Variants in RGSL1 observed in about 807,000 individuals in gnomAD.
The protein encoded by RGSL1 is regulator of G protein signaling like 1, also known as regulator of G protein signaling protein-like.
Under a neutral mutation model 124.7 loss-of-function variants are expected in RGSL1, and 97 were observed. The observed-to-expected ratio is 0.78, with a 90% CI of 0.66 to 0.92. RGSL1 has a LOEUF of 0.92. RGSL1 is among the 40% of genes least tolerant of loss of function. RGSL1 has a pLI of 0.00. For synonymous variants in RGSL1, 424 were observed against 438.1 expected, an observed-to-expected ratio of 0.97 and a Z score of 0.40; for missense variants, 1,233 against 1,288.4, an observed-to-expected ratio of 0.96 and a Z score of 0.66.
chr1:182,520,844 C>T (rs2102233780), intron 9 of RGSL1, among the ~76,000 whole-genome samples: 1 of 152,232 alleles, frequency 6.6e-6, no homozygotes, highest in African/African-American at 2.4e-5. Context: ...CCAAACTACA[C>T]ACAAGTTTCC....
intron 9 of RGSL1, among the ~76,000 whole-genome samples, chr1:182,519,198 T>C (rs1658145380): frequency 1.3e-5 from 2 of 152,104 alleles, no homozygotes; most frequent in Non-Finnish European, 2.9e-5. Context: ...CTCACATATT[T>C]AACTGTTTCT....
At chr1:182,483,259 A>G (rs1327986826) in intron 6 of RGSL1, among the ~76,000 whole-genome samples, 1 of 152,132 alleles carries the variant, frequency 6.6e-6, no homozygotes, top group African/African-American at 2.4e-5. Context: ...TTTTACCACA[A>G]AAGAAAAAAA....
In RGSL1 at chr1:182,493,044, G is replaced by A. The variant is rs973978126; in HGVS notation, c.1740G>A (p.Glu580=). The A allele has an allele frequency of 1.9e-6, 3 of 1,551,134 alleles. No homozygotes were observed. In the South Asian group the frequency reaches 3.6e-5, roughly 18 times the overall value. Residue 580 remains glutamate, a synonymous_variant, in exon 9 of 22, where the codon GAG becomes GAA. Coordinates refer to ENST00000294854, the MANE Select transcript of RGSL1 (RefSeq NM_001137669.2). ...CAGACATAACTAAAATGTCCTTTGA[G>A]GAGCTTTGCTACAAGAACCCAAAGA... is the stretch of plus-strand genomic sequence containing the variant. The part of the protein sequence containing the change: ...FLTDITKMSF[E]ELCYKNPKMA...
chr1:182,472,393 T>C lies in RGSL1; in HGVS notation c.302-3T>C. On this transcript the variant is annotated splice_region_variant and splice_polypyrimidine_tract_variant and intron_variant, in intron 4 of 21. Transcript: ENST00000294854. ...CTCTGTGCCTCTTCTGTCTCACCCGTAGGTGAAGAATTGGTGGATTTCTGG... is the reference window on the plus strand; with the variant it reads ...CTCTGTGCCTCTTCTGTCTCACCCGCAGGTGAAGAATTGGTGGATTTCTGG... 23 of 1,548,190 alleles carry C rather than the reference T, an allele frequency of 1.5e-5. No individual in the cohort carries two copies. Among genetic ancestry groups the C allele is most frequent in the Non-Finnish European group, 1.9e-5 (22 of 1,144,574 alleles).
chr1:182,497,468 T>C (rs1200676691), intron 9 of RGSL1, among the ~76,000 whole-genome samples: 2 of 151,544 alleles, frequency 1.3e-5, no homozygotes, highest in East Asian at 1.9e-4. Context: ...AACTAACTTA[T>C]AGAAAAAAAA....
chr1:182,518,156 C>T (rs1658039714), intron 9 of RGSL1, among the ~76,000 whole-genome samples: 1 of 152,180 alleles, frequency 6.6e-6, no homozygotes, highest in African/African-American at 2.4e-5. Context: ...CCTCCTGCCT[C>T]TGCCTCCCAA....
intron 9 of RGSL1, among the ~76,000 whole-genome samples, chr1:182,516,643 C>CA (rs1345493931): frequency 2.0e-5 from 3 of 152,008 alleles, no homozygotes; most frequent in Non-Finnish European, 4.4e-5. Context: ...ATAAGCCTTA[C>CA]AAAAAACATC....
intron 15 of RGSL1, 44 bp downstream of exon 15, chr1:182,540,465 T>C (rs1352191405): frequency 6.6e-7 from 1 of 1,522,852 alleles, no homozygotes; most frequent in East Asian, 2.5e-5. Flanking sequence ...AAATGACTTT[T>C]CATCCTTAGG....
At chr1:182,519,652 G>A (rs1658178768) in intron 9 of RGSL1, among the ~76,000 whole-genome samples, 1 of 151,936 alleles carries the variant, frequency 6.6e-6, no homozygotes, top group African/African-American at 2.4e-5. Flanking sequence ...ATCTCCTTAA[G>A]TATTTTTCCT....
intron 4 of RGSL1, 139 bp from the exon 5 acceptor site, chr1:182,472,257 T>C: frequency 1.4e-6 from 1 of 734,650 alleles, no homozygotes; most frequent in Non-Finnish European, 2.0e-6. Context: ...CTAGAGATGA[T>C]ACCTTGAACC....
intron 9 of RGSL1, among the ~76,000 whole-genome samples, chr1:182,517,282 G>GTTTT (rs33967101): frequency 1.2e-3 from 178 of 142,534 alleles, no homozygotes; most frequent in African/African-American, 4.3e-3. Context: ...TTCTATTTCT[G>GTTTT]TTTTTTTTTT....
intron 6 of RGSL1, among the ~76,000 whole-genome samples, chr1:182,477,712 G>C (rs955278496): frequency 6.6e-6 from 1 of 152,160 alleles, no homozygotes; most frequent in Non-Finnish European, 1.5e-5. Flanking sequence ...TGCAGCTCCA[G>C]CTTCACCCAC....
chr1:182,450,113 TGG>T, upstream of RGSL1: 1 of 1,550,140 alleles, frequency 6.5e-7, no homozygotes, highest in Non-Finnish European at 8.7e-7. Flanking sequence ...TTCTATTGAC[TGG>T]GGGGTAATTC....
intron 14 of RGSL1, among the ~76,000 whole-genome samples, chr1:182,538,886 T>G (rs1008084649): frequency 6.6e-6 from 1 of 152,000 alleles, no homozygotes; most frequent in Non-Finnish European, 1.5e-5. Context: ...CAAATGTCAC[T>G]GCAAGAAAGA....
At chr1:182,556,336 G>T (rs946499176) in intron 21 of RGSL1, 114 bp downstream of exon 21, 2 of 381,144 alleles carry the variant, frequency 5.2e-6, no homozygotes, top group Non-Finnish European at 9.4e-6. Context: ...TGCAAATCCT[G>T]GCTCAGGTTG....
At chr1:182,451,615 G>C (rs147939385) in intron 1 of RGSL1, among the ~76,000 whole-genome samples, 2 of 151,090 alleles carry the variant, frequency 1.3e-5, no homozygotes, top group African/African-American at 4.9e-5. Flanking sequence ...AGTGCGCAGA[G>C]AGGCAGGAAA....
chr1:182,541,323 T>C (rs1659879702), intron 15 of RGSL1, among the ~76,000 whole-genome samples: 1 of 152,212 alleles, frequency 6.6e-6, no homozygotes, highest in African/African-American at 2.4e-5. Flanking sequence ...AAACATGTGA[T>C]ATTTGTCCTT....
At chr1:182,482,302 C>A (rs909389727) in intron 6 of RGSL1, among the ~76,000 whole-genome samples, 1 of 152,282 alleles carries the variant, frequency 6.6e-6, no homozygotes, top group East Asian at 1.9e-4. Context: ...AAGCTGAAAT[C>A]ATTCCCTCTA....
intron 10 of RGSL1, among the ~76,000 whole-genome samples, chr1:182,525,766 A>T (rs912293368): frequency 1.1e-4 from 16 of 152,070 alleles, no homozygotes; most frequent in Non-Finnish European, 1.0e-4. Context: ...GTGTAGATAC[A>T]TAAAATAAAG....
Sources: allele counts gnomAD v4.1 joint callset (sites outside exome capture counted in the v4.1 genomes callset), GRCh38; gene constraint gnomAD v4.1.1; transcripts MANE v1.5; gene names NCBI Gene and HGNC (gene_info 2026-07-23, HGNC 2026-07-21).